DDX18: variants seen among roughly 807,000 people sequenced by gnomAD.
DDX18 encodes DEAD-box helicase 18.
In DDX18, 23 loss-of-function variants were observed where a neutral mutation model predicts 73.5. The observed-to-expected ratio is 0.31, with a 90% CI of 0.23 to 0.44. The LOEUF (loss-of-function observed/expected upper bound fraction) is 0.44. Ranked by LOEUF, DDX18 falls within the 20% of genes least tolerant of loss-of-function variation. The probability of loss-of-function intolerance (pLI) is 1.00; values close to 1 mark genes in which losing one functional copy is unlikely to be tolerated. For synonymous variants in DDX18, 268 were observed against 282.7 expected, an observed-to-expected ratio of 0.95 and a Z score of 0.52; for missense variants, 753 against 792.9, an observed-to-expected ratio of 0.95 and a Z score of 0.60.
At position 117,817,639 on chromosome 2, in the gene DDX18, C is replaced by A. The variant is rs1052637; in HGVS notation, c.281C>A (p.Thr94Asn). 6.2e-7 allele frequency: 1 copy of A among 1,613,526 alleles called. No individual in the cohort carries two copies. ...TKSPQKSTVL[T>N]NGEAAMQSSN... ...TCTCCCCAGAAATCCACTGTATTAACCAATGGAGAAGCAGCAATGCAGTCT... is the reference window on the plus strand; with the variant it reads ...TCTCCCCAGAAATCCACTGTATTAAACAATGGAGAAGCAGCAATGCAGTCT... Residue 94 changes from threonine to asparagine, a missense_variant, in exon 2 of 14, where the codon ACC becomes AAC. This residue lies in a region of DDX18 where 345 missense variants were observed against 352.0 expected (regional missense o/e 0.98). Transcript: ENST00000263239.
intron 1 of DDX18, 140 bp downstream of exon 1, chr2:117,815,002 G>C (rs1679732371): frequency 1.2e-6 from 1 of 817,912 alleles, no homozygotes; most frequent in Non-Finnish European, 2.0e-6. Flanking sequence ...TGAAAAGGCA[G>C]CTTCCACTCG....
chr2:117,828,784 G>A (rs6731372), intron 11 of DDX18, 165 bp from the exon 12 acceptor site: 38,409 of 601,884 alleles, frequency 0.064, 1,600 homozygotes, highest in African/African-American at 0.13. Flanking sequence ...ACTCAGCAGA[G>A]CAAAGATGTA....
chr2:117,819,625 G>T, intron 2 of DDX18, 24 bp from the exon 3 acceptor site: 3 of 1,532,728 alleles, frequency 2.0e-6, no homozygotes, highest in South Asian at 2.5e-5. Context: ...AAATTTTTTC[G>T]GATTTTGTCT....
At chr2:117,825,703 T>A in intron 10 of DDX18, 104 bp downstream of exon 10, 2 of 1,393,252 alleles carry the variant, frequency 1.4e-6, no homozygotes, top group East Asian at 2.3e-5. Flanking sequence ...AAGGTAAAGA[T>A]CCCTACTATA....
At chr2:117,817,352 A>AGGAAGCCAT (rs1363291039) in intron 1 of DDX18, 92 bp from the exon 2 acceptor site, 2 of 1,210,206 alleles carry the variant, frequency 1.7e-6, no homozygotes, top group Non-Finnish European at 2.3e-6. Context: ...AATTTGTGTC[A>AGGAAGCCAT]GGAAGCCATG....
chr2:117,819,382 G>A lies in DDX18; in HGVS notation c.371-267G>A, dbSNP rs148601658. ...CAGGTATGCTTCCTTTCCCCTCAGTGGAGTATGTGAAACTTATAATTGGTA... is the reference window on the plus strand; with the variant it reads ...CAGGTATGCTTCCTTTCCCCTCAGTAGAGTATGTGAAACTTATAATTGGTA... On this transcript the variant is annotated intron_variant, in intron 2 of 13. Coordinates refer to ENST00000263239, the MANE Select transcript of DDX18 (RefSeq NM_006773.4). Among the ~76,000 whole-genome samples the A allele has an allele frequency of 3.7e-3, 561 of 152,248 alleles. 6 individuals carry two copies. The highest frequency in any genetic ancestry group is 0.013 in the African/African-American group (530 of 41,544).
Position 117,814,728 on chromosome 2 carries a change from C to T in DDX18, c.-50C>T. 5 of 1,585,000 alleles carry T rather than the reference C, an allele frequency of 3.2e-6. No individual in the cohort carries two copies. Among genetic ancestry groups the T allele is most frequent in the South Asian group, 1.1e-5 (1 of 89,784 alleles). Reference sequence around the variant, plus strand: ...AAGGGAAGTAACGTCAGCCTGAGAACTGAGTAGCTGTACTGTGTGGCGCCT... The same window carrying T: ...AAGGGAAGTAACGTCAGCCTGAGAATTGAGTAGCTGTACTGTGTGGCGCCT... On this transcript the variant is annotated 5_prime_UTR_variant, in exon 1 of 14. Coordinates refer to ENST00000263239, the MANE Select transcript of DDX18 (RefSeq NM_006773.4).
intron 3 of DDX18, among the ~76,000 whole-genome samples, chr2:117,820,372 CA>C (rs1679826712): frequency 6.6e-6 from 1 of 152,160 alleles, no homozygotes; most frequent in Non-Finnish European, 1.5e-5. Flanking sequence ...AGAACTTTAA[CA>C]GTTTTAGCAC....
intron 1 of DDX18, 32 bp downstream of exon 1, chr2:117,814,894 G>T (rs1263115095): frequency 6.2e-6 from 10 of 1,612,900 alleles, no homozygotes; most frequent in Non-Finnish European, 8.5e-6. Context: ...TGGCTCAGAA[G>T]ACCCACGCGC....
intron 1 of DDX18, among the ~76,000 whole-genome samples, chr2:117,816,987 A>T (rs1191864348): frequency 6.6e-6 from 1 of 152,218 alleles, no homozygotes; most frequent in South Asian, 2.1e-4. Context: ...TTTTCAACTC[A>T]CTGCAGTCTA....
chr2:117,829,183 A>T, intron 12 of DDX18, 106 bp from the exon 13 acceptor site: 2 of 1,291,442 alleles, frequency 1.5e-6, no homozygotes, highest in Non-Finnish European at 2.1e-6. Flanking sequence ...TGCCCTCTTT[A>T]AATGTTTTCC....
At chr2:117,828,823 A>G (rs1037708169) in intron 11 of DDX18, 126 bp from the exon 12 acceptor site, 73 of 676,792 alleles carry the variant, frequency 1.1e-4, no homozygotes, top group Non-Finnish European at 1.6e-4. Flanking sequence ...GGAGACTAGA[A>G]AAAGCAGATT....
rs752633718 is a variant in DDX18 at position 117,821,947 on chromosome 2, G to A, written c.837G>A (p.Val279=). The change falls in exon 6 of 14, where the codon GTG becomes GTA. Residue 279 remains valine, a synonymous_variant. Coordinates refer to ENST00000263239, the MANE Select transcript of DDX18 (RefSeq NM_006773.4). ...TTAAGGAGCTGATGACTCACCACGTGCATACCTATGGCTTGATAATGGGTG... is the reference window on the plus strand; with the variant it reads ...TTAAGGAGCTGATGACTCACCACGTACATACCTATGGCTTGATAATGGGTG... ...GVLKELMTHH[V]HTYGLIMGGS... is the part of the protein sequence containing the mutation. 8.1e-6 allele frequency: 13 copies of A among 1,614,088 alleles called. No individual in the cohort carries two copies. The South Asian group carries it at 1.4e-4, about 18-fold the overall frequency.
rs1169538514 is a variant in DDX18 at position 117,821,708 on chromosome 2, G to A, written c.709G>A (p.Ala237Thr). The A allele has an allele frequency of 3.7e-6, 6 of 1,613,996 alleles. No homozygotes were observed. In the South Asian group the frequency reaches 4.4e-5, roughly 12 times the overall value. The change falls in exon 5 of 14, where the codon GCA becomes ACA. Residue 237 changes from alanine to threonine, a missense_variant. Physicochemically the swap from Ala to Thr is moderately conservative, Grantham distance 58. Transcript: ENST00000263239. Reference protein sequence around the residue: ...SGKTLAFLIPAVELIVKLRFM... With the variant: ...SGKTLAFLIPTVELIVKLRFM... ...TAAAACCCTGGCTTTTCTCATCCCTGCAGTTGAACTCATTGTTAAGTTAAG... is the reference window on the plus strand; with the variant it reads ...TAAAACCCTGGCTTTTCTCATCCCTACAGTTGAACTCATTGTTAAGTTAAG...
chr2:117,824,981 C>T lies in DDX18; in HGVS notation c.1248C>T (p.Leu416=). ...CTTCTGAAAAGAGATTCCTTCTGCT[C>T]TTTACATTCCTTAAGAAGAACCGAA... The part of the protein sequence containing the change: ...VCPSEKRFLL[L]FTFLKKNRKK... Residue 416 remains leucine, a synonymous_variant, in exon 9 of 14, where the codon CTC becomes CTT. Transcript: ENST00000263239. The T allele has an allele frequency of 1.2e-6, 2 of 1,613,632 alleles. No homozygotes were observed. The highest frequency in any genetic ancestry group is 1.7e-6 in the Non-Finnish European group (2 of 1,179,876).
chr2:117,817,000 A>G (rs114640967), intron 1 of DDX18, among the ~76,000 whole-genome samples: 2 of 152,362 alleles, frequency 1.3e-5, no homozygotes, highest in Non-Finnish European at 2.9e-5. Flanking sequence ...GCAGTCTAGA[A>G]GAGTTGGGGT....
chr2:117,823,535 G>A (rs1339758710), intron 7 of DDX18, among the ~76,000 whole-genome samples: 1 of 152,098 alleles, frequency 6.6e-6, no homozygotes, highest in Non-Finnish European at 1.5e-5. Context: ...AGTTAATCCT[G>A]TACCGAATGA....
chr2:117,819,595 T>C lies in DDX18; in HGVS notation c.371-54T>C, dbSNP rs186000772. On this transcript the variant is annotated intron_variant, in intron 2 of 13. Transcript: ENST00000263239. ...AGATCTTCTGTTTGTTGATCTCATT[T>C]GGAATTCTATTTTAAGGAAAAATTT... 1.3e-5 allele frequency: 19 copies of C among 1,439,688 alleles called. No homozygotes were observed. The Admixed American group carries it at 4.2e-4, about 32-fold the overall frequency. 89.2% of individuals were successfully genotyped at this position (1,439,688 alleles called of 1,614,324 possible). A position where few individuals can be genotyped will look rare whatever the true frequency, so the allele number is the denominator to read the frequency against.
rs1679903007 is a variant in DDX18 at position 117,825,109 on chromosome 2, A to G, written c.1368+8A>G. On this transcript the variant is annotated splice_region_variant and intron_variant, in intron 9 of 13. Transcript: ENST00000263239. ...CCCGTCTTGGCCATTCATGTAAGTG[A>G]TGATGATGAGCTCATTGAAAACAGG... 7.3e-7 allele frequency: 1 copy of G among 1,369,552 alleles called. No individual in the cohort carries two copies. Among genetic ancestry groups the G allele is most frequent in the East Asian group, 2.2e-5 (1 of 44,814 alleles). 84.8% of individuals were successfully genotyped at this position (1,369,552 alleles called of 1,614,324 possible).
Sources: allele counts gnomAD v4.1 joint callset (sites outside exome capture counted in the v4.1 genomes callset), GRCh38; gene constraint gnomAD v4.1.1; regional missense constraint gnomAD v4.1.1; transcripts MANE v1.5; gene names NCBI Gene and HGNC (gene_info 2026-07-23, HGNC 2026-07-21).